Variants in ST8SIA2 observed in about 807,000 individuals in gnomAD.
ST8SIA2 encodes the protein ST8 alpha-N-acetyl-neuraminide alpha-2,8-sialyltransferase 2.
Under a neutral mutation model 37.6 loss-of-function variants are expected in ST8SIA2, and 22 were observed. That is an observed-to-expected ratio of 0.58 (90% CI 0.42 to 0.83). The LOEUF (loss-of-function observed/expected upper bound fraction) is 0.83, where lower values mean the gene tolerates loss of function less well. ST8SIA2 is among the 40% of genes least tolerant of loss of function. The probability of loss-of-function intolerance (pLI) is 0.00; values close to 1 mark genes in which losing one functional copy is unlikely to be tolerated. For missense variants in ST8SIA2, 382 were observed against 484.7 expected, an observed-to-expected ratio of 0.79 and a Z score of 1.99; for synonymous variants, 205 against 201.2, an observed-to-expected ratio of 1.02 and a Z score of -0.16.
chr15:92,438,381 G>C lies in ST8SIA2; in HGVS notation c.319G>C (p.Glu107Gln), dbSNP rs144490344. Residue 107 changes from glutamate to glutamine, a missense_variant, in exon 4 of 6, where the codon GAA becomes CAA. By Grantham distance (29) the Glu-to-Gln change is conservative. Coordinates refer to ENST00000268164, the MANE Select transcript of ST8SIA2 (RefSeq NM_006011.4). The part of the protein sequence containing the change: ...RKQILKFLDA[E>Q]KDISVLKGTL... ...GCAGATTTTAAAGTTCTTGGATGCT[G>C]AAAAGGACATTTCTGTCCTAAAGGG... 71 of 1,614,104 alleles carry C rather than the reference G, an allele frequency of 4.4e-5. No individual in the cohort carries two copies. The highest frequency in any genetic ancestry group is 5.3e-5 in the Non-Finnish European group (63 of 1,180,044).
At chr15:92,456,338 C>T (rs1323041602) in intron 5 of ST8SIA2, among the ~76,000 whole-genome samples, 4 of 127,588 alleles carry the variant, frequency 3.1e-5, no homozygotes, top group Non-Finnish European at 7.2e-5. Flanking sequence ...ATAATGTCCC[C>T]AGAATGAACC....
intron 1 of ST8SIA2, among the ~76,000 whole-genome samples, chr15:92,400,121 T>C (rs577692205): frequency 6.6e-6 from 1 of 152,334 alleles, no homozygotes; most frequent in Admixed American, 6.5e-5. Flanking sequence ...GCTGTTGCCC[T>C]GCTCCTCCCA....
At chr15:92,432,034 G>A (rs374901371) in intron 2 of ST8SIA2, among the ~76,000 whole-genome samples, 3 of 152,164 alleles carry the variant, frequency 2.0e-5, no homozygotes, top group East Asian at 3.9e-4. Flanking sequence ...TCCTCTCCAG[G>A]CATCCACGGG....
chr15:92,413,143 C>A (rs8026158), intron 1 of ST8SIA2, among the ~76,000 whole-genome samples: 63,055 of 151,984 alleles, frequency 0.41, 14,271 homozygotes, highest in East Asian at 0.68. Context: ...CACTGCAACC[C>A]TAGAGCCCTG....
At chr15:92,430,773 C>A (rs757794369) in intron 2 of ST8SIA2, among the ~76,000 whole-genome samples, 8 of 152,156 alleles carry the variant, frequency 5.3e-5, no homozygotes, top group Non-Finnish European at 1.0e-4. Flanking sequence ...GTCTTATAAG[C>A]TTGAGCTTAA....
rs566271666 is a variant in ST8SIA2, at chr15:92,463,760, C to T, written c.843-340C>T. On this transcript the variant is annotated intron_variant, in intron 5 of 5. Coordinates refer to ENST00000268164, the MANE Select transcript of ST8SIA2 (RefSeq NM_006011.4). ...TGCCAGCTCCTGCTTGAGCTGTCCA[C>T]GGGCCTGAGTTCAAGTCAAGTGCTG... Among the ~76,000 whole-genome samples, 7 of 152,358 alleles carry T rather than the reference C, an allele frequency of 4.6e-5. No homozygotes were observed. The East Asian group carries it at 7.7e-4, about 17-fold the overall frequency.
chr15:92,443,722 A>G (rs1054586584), intron 4 of ST8SIA2, among the ~76,000 whole-genome samples: 1 of 151,986 alleles, frequency 6.6e-6, no homozygotes. Context: ...CTAAACACCC[A>G]TGCTGTTTCT....
At position 92,465,006 on chromosome 15, in the gene ST8SIA2, T is replaced by A. The variant is rs2049982464; in HGVS notation, c.*621T>A. On this transcript the variant is annotated 3_prime_UTR_variant, in exon 6 of 6. Transcript: ENST00000268164. The stretch of plus-strand genomic sequence containing the variant: ...TAAGGGACAGCACGAATGACTCACA[T>A]GTTTCAGACAGGCCTCCACGGCTAT... 1 of 154,004 alleles carries A rather than the reference T, an allele frequency of 6.5e-6. No individual in the cohort carries two copies. The highest frequency in any genetic ancestry group is 1.4e-5 in the Non-Finnish European group (1 of 69,064). 9.5% of individuals were successfully genotyped at this position (154,004 alleles called of 1,614,324 possible).
chr15:92,432,498 CTG>C (rs1307911062), intron 2 of ST8SIA2, among the ~76,000 whole-genome samples: 2 of 152,320 alleles, frequency 1.3e-5, no homozygotes, highest in Admixed American at 1.3e-4. Context: ...AATGGGCAAT[CTG>C]TGGCTCAGAG....
intron 4 of ST8SIA2, among the ~76,000 whole-genome samples, chr15:92,442,431 G>A (rs1219011603): frequency 1.3e-5 from 2 of 152,056 alleles, no homozygotes; most frequent in Non-Finnish European, 2.9e-5. Context: ...TTCACCCCTC[G>A]TGAGCCGCCA....
At chr15:92,463,029 A>T (rs1222137917) in intron 5 of ST8SIA2, among the ~76,000 whole-genome samples, 1 of 152,242 alleles carries the variant, frequency 6.6e-6, no homozygotes, top group Non-Finnish European at 1.5e-5. Context: ...GTGACTCATC[A>T]TTGCATAAAT....
intron 2 of ST8SIA2, among the ~76,000 whole-genome samples, chr15:92,433,380 G>A (rs899163691): frequency 3.3e-5 from 5 of 152,154 alleles, no homozygotes; most frequent in Non-Finnish European, 4.4e-5. Flanking sequence ...GCAGCAAGGC[G>A]GCTAACTCTT....
intron 2 of ST8SIA2, among the ~76,000 whole-genome samples, chr15:92,431,252 C>T (rs915702544): frequency 2.6e-5 from 4 of 152,184 alleles, no homozygotes; most frequent in African/African-American, 9.7e-5. Flanking sequence ...GCCACAGTCT[C>T]ATATGAATCA....
chr15:92,402,338 A>AC (rs2049477820), intron 1 of ST8SIA2, among the ~76,000 whole-genome samples: 1 of 152,138 alleles, frequency 6.6e-6, no homozygotes, highest in African/African-American at 2.4e-5. Flanking sequence ...CTGTATTCAC[A>AC]CCTGTAATCC....
chr15:92,418,308 A>C lies in ST8SIA2; in HGVS notation c.99-11741A>C, dbSNP rs113713330. Among the ~76,000 whole-genome samples, 295 of 151,736 alleles carry C rather than the reference A, an allele frequency of 1.9e-3. 1 individual carries two copies. Among genetic ancestry groups the C allele is most frequent in the African/African-American group, 6.7e-3 (278 of 41,330 alleles). ...AACTCTACTAAAAATAACAAACAAAAAAAAAATATGGGGCATGGTGGCACA... is the reference window on the plus strand; with the variant it reads ...AACTCTACTAAAAATAACAAACAAACAAAAAATATGGGGCATGGTGGCACA... On this transcript the variant is annotated intron_variant, in intron 1 of 5. Coordinates refer to ENST00000268164, the MANE Select transcript of ST8SIA2 (RefSeq NM_006011.4).
rs151060441 is a variant in ST8SIA2 at position 92,416,694 on chromosome 15, G to T, written c.99-13355G>T. Among the ~76,000 whole-genome samples the T allele has an allele frequency of 6.1e-3, 923 of 152,234 alleles. 15 individuals are homozygous for T. Among genetic ancestry groups the T allele is most frequent in the African/African-American group, 0.022 (893 of 41,532 alleles). ...ATACTGCAAGGGTCTCCCTGCCAGG[G>T]TCCCGTCGGGATTCAGTCCTGCACA... is the stretch of plus-strand genomic sequence containing the variant. On this transcript the variant is annotated intron_variant, in intron 1 of 5. Transcript: ENST00000268164.
intron 2 of ST8SIA2, among the ~76,000 whole-genome samples, chr15:92,432,847 T>C (rs1158108680): frequency 6.6e-6 from 1 of 152,076 alleles, no homozygotes; most frequent in Non-Finnish European, 1.5e-5. Context: ...AAAGTCAAAC[T>C]AGGGCCAAGC....
At chr15:92,435,885 C>T (rs748295451) in intron 3 of ST8SIA2, among the ~76,000 whole-genome samples, 6 of 152,126 alleles carry the variant, frequency 3.9e-5, no homozygotes, top group South Asian at 2.1e-4. Context: ...AACGCGGCGG[C>T]GGCCTAAAAC....
chr15:92,416,890 G>C (rs956380616), intron 1 of ST8SIA2, among the ~76,000 whole-genome samples: 2 of 152,176 alleles, frequency 1.3e-5, no homozygotes, highest in East Asian at 1.9e-4. Flanking sequence ...GCAGGTGCCT[G>C]TTCTACCACG....
Sources: allele counts gnomAD v4.1 joint callset (sites outside exome capture counted in the v4.1 genomes callset), GRCh38; gene constraint gnomAD v4.1.1; transcripts MANE v1.5; gene names NCBI Gene and HGNC (gene_info 2026-07-23, HGNC 2026-07-21).